The following FBLN5 variants were observed in gnomAD, a reference collection of about 807,000 sequenced individuals.
FBLN5 encodes fibulin-5.
Under a neutral mutation model 61.6 loss-of-function variants are expected in FBLN5, and 24 were observed. The observed-to-expected ratio is 0.39, with a 90% CI of 0.28 to 0.55. The LOEUF (loss-of-function observed/expected upper bound fraction) is 0.55, where lower values mean the gene tolerates loss of function less well. FBLN5 is among the 20% of genes least tolerant of loss of function. The probability of loss-of-function intolerance (pLI) is 0.65; values close to 1 mark genes in which losing one functional copy is unlikely to be tolerated. For synonymous variants in FBLN5, 213 were observed against 219.8 expected, an observed-to-expected ratio of 0.97 and a Z score of 0.27; for missense variants, 470 against 594.1, an observed-to-expected ratio of 0.79 and a Z score of 2.17.
At position 91,947,345 on chromosome 14, in the gene FBLN5, A is replaced by G; in HGVS notation, c.-116T>C. The G allele has an allele frequency of 8.2e-7, 1 of 1,222,498 alleles. No homozygotes were observed. The highest frequency in any genetic ancestry group is 1.2e-5 in the South Asian group (1 of 80,990). 75.7% of individuals were successfully genotyped at this position (1,222,498 alleles called of 1,614,324 possible). A position where few individuals can be genotyped will look rare whatever the true frequency, so the allele number is the denominator to read the frequency against. The stretch of plus-strand genomic sequence containing the variant: ...GGCCCTCGGGGCTCGCGGGTGTTTT[A>G]TTCCAGAGGGGCCGAGCGAGTCGTG... On this transcript the variant is annotated 5_prime_UTR_variant, in exon 1 of 11. Coordinates refer to ENST00000342058, the MANE Select transcript of FBLN5 (RefSeq NM_006329.4). This position sits in a 1 kb window ranked among gnomAD's most constrained non-coding sequence, Gnocchi z 4.3.
intron 4 of FBLN5, among the ~76,000 whole-genome samples, chr14:91,926,941 G>A (rs897452719): frequency 6.6e-6 from 1 of 152,138 alleles, no homozygotes; most frequent in Non-Finnish European, 1.5e-5. Context: ...AGGATTTAAA[G>A]GCTTTGTAAC....
intron 4 of FBLN5, among the ~76,000 whole-genome samples, chr14:91,911,969 C>A (rs968439155): frequency 1.3e-5 from 2 of 152,202 alleles, no homozygotes; most frequent in Non-Finnish European, 2.9e-5. Flanking sequence ...CATTTAGGAG[C>A]ACAATTATTT....
At chr14:91,921,381 T>C (rs540236134) in intron 4 of FBLN5, among the ~76,000 whole-genome samples, 2 of 152,272 alleles carry the variant, frequency 1.3e-5, no homozygotes, top group South Asian at 4.1e-4. Flanking sequence ...GCACCAACTA[T>C]GGGCCAGGCA....
At chr14:91,930,460 A>G (rs543317089) in intron 4 of FBLN5, among the ~76,000 whole-genome samples, 1 of 152,262 alleles carries the variant, frequency 6.6e-6, no homozygotes, top group African/African-American at 2.4e-5. Flanking sequence ...CCTCAATGCG[A>G]TCCCATTTCC....
intron 4 of FBLN5, among the ~76,000 whole-genome samples, chr14:91,929,351 T>C (rs2055886194): frequency 6.6e-6 from 1 of 152,202 alleles, no homozygotes; most frequent in South Asian, 2.1e-4. Context: ...CAATGGACAG[T>C]AATGCTAAAT....
At chr14:91,940,067 A>G (rs2056083055) in intron 3 of FBLN5, 2 of 423,314 alleles carry the variant, frequency 4.7e-6, no homozygotes, top group African/African-American at 2.1e-5. Flanking sequence ...AAAGGTAGGA[A>G]TTGCCCTCCA....
intron 4 of FBLN5, among the ~76,000 whole-genome samples, chr14:91,921,242 G>A (rs2055728864): frequency 6.6e-6 from 1 of 152,202 alleles, no homozygotes; most frequent in East Asian, 1.9e-4. Context: ...GAAGAGCTGA[G>A]ACCAAGTAGC....
rs767648266 is a variant in FBLN5, at chr14:91,947,275, G to A, written c.-46C>T. The A allele has an allele frequency of 6.2e-7, 1 of 1,613,828 alleles. No homozygotes were observed. On this transcript the variant is annotated 5_prime_UTR_variant, in exon 1 of 11. Coordinates refer to ENST00000342058, the MANE Select transcript of FBLN5 (RefSeq NM_006329.4). This position sits in a 1 kb window ranked among gnomAD's most constrained non-coding sequence, Gnocchi z 4.3. Reference sequence around the variant, plus strand: ...AGATGCGAAGGCGAGAAGAAAGCTCGCGGGCGGGACCCCCGGAGGAGCTCG... The same window carrying A: ...AGATGCGAAGGCGAGAAGAAAGCTCACGGGCGGGACCCCCGGAGGAGCTCG...
chr14:91,904,134 T>A (rs1355297023), intron 4 of FBLN5, among the ~76,000 whole-genome samples: 1 of 152,112 alleles, frequency 6.6e-6, no homozygotes, highest in African/African-American at 2.4e-5. Flanking sequence ...AACCTCCAGT[T>A]TCTTGAAAGC....
rs772441668 is a variant in FBLN5 at position 91,895,036 on chromosome 14, T to C, written c.416A>G (p.Asn139Ser). The change falls in exon 5 of 11, where the codon AAC becomes AGC. Residue 139 changes from asparagine (N) to serine (S), a missense_variant. Transcript: ENST00000342058. ...DECATDSHQCNPTQICINTEG... is the reference protein window; with the variant it reads ...DECATDSHQCSPTQICINTEG... Reference sequence around the variant, plus strand: ...AGTATTGATGCAGATCTGGGTGGGGTTGCACTGGTGGGAATCTGTTGCACA... The same window carrying C: ...AGTATTGATGCAGATCTGGGTGGGGCTGCACTGGTGGGAATCTGTTGCACA... The C allele has an allele frequency of 3.1e-6, 5 of 1,613,874 alleles. No individual in the cohort carries two copies. Among genetic ancestry groups the C allele is most frequent in the Admixed American group, 3.3e-5 (2 of 60,000 alleles).
chr14:91,899,211 C>T lies in FBLN5; in HGVS notation c.380-4139G>A, dbSNP rs183270069. Among the ~76,000 whole-genome samples the T allele has an allele frequency of 3.9e-4, 59 of 152,234 alleles. 2 individuals carry two copies. In the Middle Eastern group the frequency reaches 0.037, roughly 97 times the overall value. ...TGGAAGAGCTGGCATCAAGCATATTCCCTCCCGCTGTATGGTACCCAGAAG... is the reference window on the plus strand; with the variant it reads ...TGGAAGAGCTGGCATCAAGCATATTTCCTCCCGCTGTATGGTACCCAGAAG... On this transcript the variant is annotated intron_variant, in intron 4 of 10. Transcript: ENST00000342058.
chr14:91,942,027 G>A (rs1435815841), intron 2 of FBLN5: 2 of 378,752 alleles, frequency 5.3e-6, no homozygotes, highest in African/African-American at 4.3e-5. Flanking sequence ...GAGAGAAAAT[G>A]CTCCCCTACC....
chr14:91,915,909 G>A (rs1036989699), intron 4 of FBLN5, among the ~76,000 whole-genome samples: 3 of 152,020 alleles, frequency 2.0e-5, no homozygotes, highest in Non-Finnish European at 4.4e-5. Context: ...AAGCTTATAT[G>A]TGGACACCAA....
At chr14:91,917,360 C>T (rs1392564329) in intron 4 of FBLN5, among the ~76,000 whole-genome samples, 1 of 152,084 alleles carries the variant, frequency 6.6e-6, no homozygotes, top group African/African-American at 2.4e-5. Flanking sequence ...GGGTGGATCA[C>T]AAGGTCAGGA....
chr14:91,886,852 A>C (rs1889749159), intron 7 of FBLN5, among the ~76,000 whole-genome samples: 1 of 152,152 alleles, frequency 6.6e-6, no homozygotes. Flanking sequence ...TGATATCCCC[A>C]AGACTTGAGT....
At position 91,936,954 on chromosome 14, in the gene FBLN5, T is replaced by C. The variant is rs779434252; in HGVS notation, c.372A>G (p.Gln124=). ...AAAGGCCGGGCTACTCACCCACACA[T>C]TGGTTGCTTTCATCCATCTGGTATC... The part of the protein sequence containing the change: ...RFGYQMDESN[Q]CVDVDECATD... Residue 124 remains glutamine (Q), a synonymous_variant, in exon 4 of 11, where the codon CAA becomes CAG. Transcript: ENST00000342058. 1.9e-6 allele frequency: 3 copies of C among 1,614,116 alleles called. No individual in the cohort carries two copies. Among genetic ancestry groups the C allele is most frequent in the Non-Finnish European group, 1.7e-6 (2 of 1,180,006 alleles).
intron 4 of FBLN5, among the ~76,000 whole-genome samples, chr14:91,923,465 G>A (rs1396594912): frequency 4.6e-5 from 7 of 152,176 alleles, no homozygotes; most frequent in South Asian, 2.1e-4. Context: ...GCAGGTGACC[G>A]GTTGACTCAT....
intron 7 of FBLN5, 76 bp downstream of exon 7, chr14:91,887,117 G>A: frequency 6.5e-7 from 1 of 1,528,602 alleles, no homozygotes; most frequent in Non-Finnish European, 9.1e-7. Context: ...AAACACCTAT[G>A]AAGGAAGCCC....
rs777925957 is a variant in FBLN5, at chr14:91,943,500, C to A, written c.18-539G>T. 1.3e-4 allele frequency among the ~76,000 whole-genome samples: 20 copies of A among 151,972 alleles called. No individual in the cohort carries two copies. The highest frequency in any genetic ancestry group is 2.8e-4 in the Non-Finnish European group (19 of 67,992). ...CTCCAGCCTGGGTGACAGAGCGAGA[C>A]CTTGTCCTCCCCCCACCCCCCAAAA... On this transcript the variant is annotated intron_variant, in intron 1 of 10. Transcript: ENST00000342058. This position sits in a 1 kb window ranked among gnomAD's most constrained non-coding sequence, Gnocchi z 4.0.
Sources: allele counts gnomAD v4.1 joint callset (sites outside exome capture counted in the v4.1 genomes callset), GRCh38; gene constraint gnomAD v4.1.1; non-coding constraint Gnocchi (gnomAD v3.1); transcripts MANE v1.5; gene names NCBI Gene and HGNC (gene_info 2026-07-23, HGNC 2026-07-21).